The following ZNF529 variants were observed in gnomAD, a reference collection of about 807,000 sequenced individuals.
The protein encoded by ZNF529 is zinc finger protein 529.
Under a neutral mutation model 10.1 loss-of-function variants are expected in ZNF529, and 11 were observed. That is an observed-to-expected ratio of 1.09 (90% CI 0.69 to 1.81). The LOEUF (loss-of-function observed/expected upper bound fraction) is 1.81, where lower values mean the gene tolerates loss of function less well. Among genes scored for constraint, ZNF529 ranks in the 40% most tolerant of loss-of-function variants. The pLI, the probability that ZNF529 is intolerant of heterozygous loss-of-function variation, is 0.00. For synonymous variants in ZNF529, 204 were observed against 215.7 expected (o/e 0.95, Z 0.47); for missense variants, 624 against 666.8 (o/e 0.94, Z 0.71).
chr19:36,596,186 G>A (rs1013781881), intron 1 of ZNF529, among the ~76,000 whole-genome samples: 7 of 143,708 alleles, frequency 4.9e-5, no homozygotes, highest in Non-Finnish European at 7.5e-5. Context: ...AGGTTCTCCC[G>A]CCTCAGCCTC....
intron 1 of ZNF529, among the ~76,000 whole-genome samples, chr19:36,590,041 G>C (rs1182607577): frequency 4.6e-5 from 7 of 152,146 alleles, no homozygotes; most frequent in South Asian, 4.1e-4. Flanking sequence ...AACGAAAATA[G>C]TTTGAACTAA....
intron 2 of ZNF529, among the ~76,000 whole-genome samples, chr19:36,560,588 T>G (rs374457333): frequency 6.6e-6 from 1 of 152,256 alleles, no homozygotes; most frequent in Non-Finnish European, 1.5e-5. Context: ...TCTTCTCATT[T>G]TTTTTTAAAA....
At chr19:36,603,798 T>A (rs2036969026) in intron 1 of ZNF529, among the ~76,000 whole-genome samples, 1 of 152,200 alleles carries the variant, frequency 6.6e-6, no homozygotes, top group South Asian at 2.1e-4. Context: ...GGGACTGAAA[T>A]GTTTCTGTAT....
upstream of ZNF529, chr19:36,573,375 C>A (rs906709633): frequency 8.7e-6 from 4 of 461,638 alleles, no homozygotes; most frequent in South Asian, 1.6e-5. Context: ...CGAAAGAGCC[C>A]TGAAGCTCAA....
At chr19:36,562,618 G>A (rs982416960) in intron 2 of ZNF529, among the ~76,000 whole-genome samples, 9 of 151,654 alleles carry the variant, frequency 5.9e-5, no homozygotes, top group Non-Finnish European at 1.3e-4. Context: ...GGCGGATCAC[G>A]AGGTCAGGAA....
intron 2 of ZNF529, among the ~76,000 whole-genome samples, chr19:36,558,060 G>A (rs1353933263): frequency 6.6e-6 from 1 of 151,908 alleles, no homozygotes; most frequent in Admixed American, 6.6e-5. Flanking sequence ...TTCACTAGAA[G>A]GACTCAATAG....
intron 2 of ZNF529, among the ~76,000 whole-genome samples, chr19:36,557,253 A>G (rs970136522): frequency 6.6e-6 from 1 of 152,216 alleles, no homozygotes; most frequent in African/African-American, 2.4e-5. Context: ...ACTCCCAATG[A>G]GCAACATCAG....
In ZNF529 at chr19:36,545,039, C is replaced by G. The variant is rs930929922; in HGVS notation, c.*1827G>C. Reference sequence around the variant, plus strand: ...AGGAAATCGAGACTGTCTTGGCCAACGTGGTGAAACTCCATATCTACTAAA... The same window carrying G: ...AGGAAATCGAGACTGTCTTGGCCAAGGTGGTGAAACTCCATATCTACTAAA... On this transcript the variant is annotated 3_prime_UTR_variant, in exon 5 of 5. Transcript: ENST00000591340. The G allele has an allele frequency of 6.6e-6, 1 of 150,632 alleles. No individual in the cohort carries two copies. The highest frequency in any genetic ancestry group is 2.4e-5 in the African/African-American group (1 of 40,842). The allele number at this position is 150,632 out of a possible 1,614,324, so 9.3% of individuals were successfully genotyped here.
chr19:36,598,011 A>G (rs1225902663), intron 1 of ZNF529, among the ~76,000 whole-genome samples: 1 of 152,122 alleles, frequency 6.6e-6, no homozygotes, highest in Non-Finnish European at 1.5e-5. Context: ...ATTCCTGTAG[A>G]TATCTATACT....
intron 2 of ZNF529, among the ~76,000 whole-genome samples, chr19:36,559,085 A>G (rs2035584761): frequency 6.6e-6 from 1 of 152,116 alleles, no homozygotes; most frequent in South Asian, 2.1e-4. Context: ...ATGAAATATC[A>G]CCTCACACCT....
chr19:36,559,629 T>C (rs2035606907), intron 2 of ZNF529, among the ~76,000 whole-genome samples: 1 of 152,164 alleles, frequency 6.6e-6, no homozygotes, highest in South Asian at 2.1e-4. Flanking sequence ...TGAAGAGATA[T>C]TTGCAGTCCT....
chr19:36,592,607 A>AG (rs2036749824), intron 1 of ZNF529, among the ~76,000 whole-genome samples: 1 of 126,354 alleles, frequency 7.9e-6, no homozygotes. Flanking sequence ...AAAAAAAAAA[A>AG]GAAAGAAAGA....
chr19:36,554,770 GA>G lies in ZNF529; in HGVS notation c.134del (p.Val45AlafsTer23), dbSNP rs1568582335. 3 of 1,573,696 alleles carry G rather than the reference GA, an allele frequency of 1.9e-6. No homozygotes were observed. The East Asian group carries it at 7.0e-5, about 37-fold the overall frequency. Reference protein sequence around the residue: ...DHELVTLRDVVINFSQEEWEY... With the variant: ...DHELVTLRDVXINFSQEEWEY... ...CCCATTCCTCCTGAGAGAAGTTGAT[GA>G]CCACATCCCTGAGTGTCACCAGTTC... On this transcript the variant is annotated frameshift_variant, in exon 4 of 5. Transcript: ENST00000591340. LOFTEE classifies it high-confidence loss of function.
intron 1 of ZNF529, among the ~76,000 whole-genome samples, chr19:36,602,443 C>CT (rs34137129): frequency 5.9e-4 from 87 of 146,634 alleles, no homozygotes; most frequent in South Asian, 8.7e-4. Flanking sequence ...TATTACTCTC[C>CT]TTTTTTTTTT....
intron 2 of ZNF529, among the ~76,000 whole-genome samples, chr19:36,586,122 C>G (rs1161541368): frequency 1.3e-5 from 2 of 152,168 alleles, no homozygotes; most frequent in Non-Finnish European, 2.9e-5. Flanking sequence ...CAGAAATTAT[C>G]GACTCCATTT....
chr19:36,591,385 A>T (rs1166108670), intron 1 of ZNF529, among the ~76,000 whole-genome samples: 1 of 151,026 alleles, frequency 6.6e-6, no homozygotes, highest in African/African-American at 2.4e-5. Flanking sequence ...CTAAAAAAAA[A>T]TATATAACTT....
At chr19:36,571,688 A>G (rs2036120212) in intron 2 of ZNF529, among the ~76,000 whole-genome samples, 1 of 151,862 alleles carries the variant, frequency 6.6e-6, no homozygotes, top group South Asian at 2.1e-4. Context: ...AAAAAAAAAA[A>G]AAAGTGTCTA....
At chr19:36,601,490 T>A (rs2036923040) in intron 1 of ZNF529, among the ~76,000 whole-genome samples, 1 of 152,098 alleles carries the variant, frequency 6.6e-6, no homozygotes, top group Non-Finnish European at 1.5e-5. Context: ...AGTTCCAGGC[T>A]GTAGTGAGCT....
At chr19:36,580,733 A>C (rs1019780668) in intron 2 of ZNF529, 4 of 152,240 alleles carry the variant, frequency 2.6e-5, no homozygotes, top group Non-Finnish European at 5.9e-5. Context: ...GTAGGCAAGA[A>C]ATTCAGTAGT....
Sources: allele counts gnomAD v4.1 joint callset (sites outside exome capture counted in the v4.1 genomes callset), GRCh38; gene constraint gnomAD v4.1.1; transcripts MANE v1.5; gene names NCBI Gene and HGNC (gene_info 2026-07-23, HGNC 2026-07-21).